Variants in MBD5 observed in about 807,000 individuals in gnomAD.
MBD5 encodes the protein methyl-CpG binding domain protein 5, also known as methyl-CpG-binding domain protein 5.
Under a neutral mutation model 117.3 loss-of-function variants are expected in MBD5, and 13 were observed. That is an observed-to-expected ratio of 0.11 (90% CI 0.07 to 0.18). The LOEUF is 0.18. MBD5 is among the 10% of genes least tolerant of loss of function. The pLI, the probability that MBD5 is intolerant of heterozygous loss-of-function variation, is 1.00. For synonymous variants in MBD5, 727 were observed against 766.4 expected (o/e 0.95, Z 0.85); for missense variants, 1,879 against 2,093.8 (o/e 0.90, Z 2.00).
At chr2:148,457,599 C>T (rs1432276533) in intron 4 of MBD5, among the ~76,000 whole-genome samples, 1 of 151,930 alleles carries the variant, frequency 6.6e-6, no homozygotes, top group Non-Finnish European at 1.5e-5. Context: ...AAAAGAGCAC[C>T]CCATAATATA....
In MBD5 at chr2:148,309,205, A is replaced by T. The variant is rs1354576389; in HGVS notation, c.-679-33009A>T. Among the ~76,000 whole-genome samples the T allele has an allele frequency of 2.0e-5, 3 of 152,168 alleles. No individual in the cohort carries two copies. In the East Asian group the frequency reaches 5.8e-4, roughly 29 times the overall value. ...ATTCTGCAAAGAAAGTCAATGGTAG[A>T]TTGGTGGAGATACCATTGAATCTAT... On this transcript the variant is annotated intron_variant, in intron 3 of 13. Coordinates refer to ENST00000642680, the MANE Select transcript of MBD5 (RefSeq NM_001378120.1).
intron 3 of MBD5, among the ~76,000 whole-genome samples, chr2:148,317,597 C>T (rs1702184158): frequency 6.6e-6 from 1 of 152,006 alleles, no homozygotes; most frequent in Non-Finnish European, 1.5e-5. Context: ...ATTTTTCAAC[C>T]CTCATCCCTT....
At position 148,458,344 on chromosome 2, in the gene MBD5, A is replaced by C. The variant is rs985066561; in HGVS notation, c.-415A>C. ...TACCTGGAAATATTAACCGACTCAC[A>C]CTGTAAAAATGAGACCAGTTTCTAA... On this transcript the variant is annotated 5_prime_UTR_variant, in exon 5 of 14. Coordinates refer to ENST00000642680, the MANE Select transcript of MBD5 (RefSeq NM_001378120.1). 2.6e-5 allele frequency: 11 copies of C among 427,246 alleles called. No individual in the cohort carries two copies. The highest frequency in any genetic ancestry group is 6.1e-5 in the African/African-American group (3 of 49,366). The allele number at this position is 427,246 out of a possible 1,614,324, so 26.5% of individuals were successfully genotyped here.
intron 1 of MBD5, among the ~76,000 whole-genome samples, chr2:148,138,359 CT>C (rs1443418181): frequency 7.2e-5 from 11 of 152,268 alleles, no homozygotes; most frequent in Admixed American, 6.5e-4. Context: ...TCCAGACAGC[CT>C]AGCCATAGAT....
At chr2:148,056,356 G>T in intron 1 of MBD5, among the ~76,000 whole-genome samples, 1 of 151,690 alleles carries the variant, frequency 6.6e-6, no homozygotes, top group African/African-American at 2.4e-5. Context: ...GCTTTTTGTG[G>T]GCTAGAATCT....
At chr2:148,378,749 G>C (rs1027240926) in intron 4 of MBD5, among the ~76,000 whole-genome samples, 7 of 151,966 alleles carry the variant, frequency 4.6e-5, no homozygotes, top group Non-Finnish European at 1.0e-4. Flanking sequence ...AATTCACTCA[G>C]AATTTGGTAT....
chr2:148,357,967 A>G (rs569184951), intron 4 of MBD5, among the ~76,000 whole-genome samples: 10 of 152,236 alleles, frequency 6.6e-5, no homozygotes, highest in South Asian at 6.2e-4. Flanking sequence ...GTATCTACAG[A>G]TCAATGGGTC....
chr2:148,326,904 G>A (rs568288325), intron 3 of MBD5, among the ~76,000 whole-genome samples: 14 of 148,976 alleles, frequency 9.4e-5, no homozygotes, highest in South Asian at 2.2e-4. Flanking sequence ...GATTTTGCTC[G>A]TTAGTTGATG....
rs372522226 is a variant in MBD5, at chr2:148,251,755, T to A, written c.-680+18360T>A. On this transcript the variant is annotated intron_variant, in intron 3 of 13. Transcript: ENST00000642680. ...AAAGATAACATTTAGCAAATGTACCTATGGTCAACAATTAATGCAATTGTT... is the reference window on the plus strand; with the variant it reads ...AAAGATAACATTTAGCAAATGTACCAATGGTCAACAATTAATGCAATTGTT... Among the ~76,000 whole-genome samples, 6 of 152,320 alleles carry A rather than the reference T, an allele frequency of 3.9e-5. No individual in the cohort carries two copies. In the East Asian group the frequency reaches 5.8e-4, roughly 15 times the overall value.
chr2:148,442,962 A>C (rs1429350067), intron 4 of MBD5, among the ~76,000 whole-genome samples: 2 of 151,488 alleles, frequency 1.3e-5, no homozygotes, highest in Non-Finnish European at 2.9e-5. Context: ...GAGACAACCC[A>C]TGGAATGGGA....
At chr2:148,391,588 A>C (rs1234261523) in intron 4 of MBD5, among the ~76,000 whole-genome samples, 1 of 152,198 alleles carries the variant, frequency 6.6e-6, no homozygotes, top group African/African-American at 2.4e-5. Context: ...CACCTAAAAC[A>C]AGGAATGGGT....
At chr2:148,225,987 A>G (rs951799830) in intron 2 of MBD5, among the ~76,000 whole-genome samples, 1 of 151,976 alleles carries the variant, frequency 6.6e-6, no homozygotes, top group African/African-American at 2.4e-5. Flanking sequence ...CGATATTGAT[A>G]TCTTTTATAG....
At chr2:148,507,013 T>C (rs1209287543) in intron 12 of MBD5, among the ~76,000 whole-genome samples, 1 of 152,212 alleles carries the variant, frequency 6.6e-6, no homozygotes, top group East Asian at 1.9e-4. Flanking sequence ...TCTCATGATA[T>C]ATACAAATAA....
chr2:148,455,229 C>G (rs1051664961), intron 4 of MBD5, among the ~76,000 whole-genome samples: 1 of 152,106 alleles, frequency 6.6e-6, no homozygotes, highest in African/African-American at 2.4e-5. Flanking sequence ...AAGACCCTTA[C>G]AATTGTGCTG....
At chr2:148,054,371 CTT>C (rs1024038863) in intron 1 of MBD5, 3 of 152,156 alleles carry the variant, frequency 2.0e-5, no homozygotes, top group African/African-American at 7.2e-5. Context: ...TTATTTATCT[CTT>C]TTATTTGTGC....
At chr2:148,465,892 C>G (rs896286548) in intron 7 of MBD5, among the ~76,000 whole-genome samples, 3 of 152,122 alleles carry the variant, frequency 2.0e-5, no homozygotes, top group Admixed American at 6.6e-5. Context: ...ATAGATTTAC[C>G]AGTTTCTACA....
At chr2:148,314,352 A>G (rs945885865) in intron 3 of MBD5, among the ~76,000 whole-genome samples, 2 of 150,106 alleles carry the variant, frequency 1.3e-5, no homozygotes, top group Non-Finnish European at 3.0e-5. Flanking sequence ...ACTTATGTTC[A>G]GCAATTAATG....
chr2:148,287,120 CT>C (rs1701384816), intron 3 of MBD5, among the ~76,000 whole-genome samples: 1 of 152,052 alleles, frequency 6.6e-6, no homozygotes, highest in Non-Finnish European at 1.5e-5. Context: ...TATTATTCTC[CT>C]TTCAAACACC....
intron 4 of MBD5, among the ~76,000 whole-genome samples, chr2:148,389,773 T>A (rs923111068): frequency 2.6e-5 from 4 of 152,160 alleles, no homozygotes; most frequent in Non-Finnish European, 5.9e-5. Context: ...CACTTTTTAA[T>A]GGAGTTATTC....
Sources: gnomAD v4.1 joint callset for allele counts (sites outside exome capture counted in the v4.1 genomes callset) on GRCh38, gnomAD v4.1.1 for gene constraint, MANE v1.5 for transcripts, NCBI Gene and HGNC (gene_info 2026-07-23, HGNC 2026-07-21) for gene names.